LINGO2: variants seen among roughly 807,000 people sequenced by gnomAD.
LINGO2 encodes the protein leucine rich repeat and Ig domain containing 2.
In LINGO2, 14 loss-of-function variants were observed where a neutral mutation model predicts 30.6. The ratio of observed to expected loss-of-function variants is 0.46; its 90% CI spans 0.30 to 0.72. The LOEUF (loss-of-function observed/expected upper bound fraction) is 0.72. LINGO2 is among the 30% of genes least tolerant of loss of function. The pLI is 0.07. For synonymous variants in LINGO2, 317 were observed against 288.5 expected (o/e 1.10, Z -1.00); for missense variants, 729 against 751.7 (o/e 0.97, Z 0.35).
In LINGO2 at chr9:28,273,409, G is replaced by A. The variant is rs536100283; in HGVS notation, c.-87+21799C>T. Among the ~76,000 whole-genome samples the A allele has an allele frequency of 6.1e-4, 93 of 152,262 alleles. 1 individual carries two copies. Among genetic ancestry groups the A allele is most frequent in the Non-Finnish European group, 1.1e-3 (78 of 68,008 alleles). ...AATTTACTGATACTTCAAAAAGAAA[G>A]CCACGGAAACTCTCTGGAAGCTTTC... On this transcript the variant is annotated intron_variant, in intron 4 of 5. Transcript: ENST00000379992.
At chr9:28,565,010 A>G (rs1332487935) in intron 1 of LINGO2, among the ~76,000 whole-genome samples, 1 of 151,910 alleles carries the variant, frequency 6.6e-6, no homozygotes, top group Non-Finnish European at 1.5e-5. Flanking sequence ...CTTCCTGTAC[A>G]CCCCTCCAAA....
At chr9:28,824,062 A>G in the LINGO2 span, among the ~76,000 whole-genome samples, 16 of 152,332 alleles carry the variant, frequency 1.1e-4, no homozygotes, top group African/African-American at 3.8e-4. Context: ...AAGTTACACT[A>G]AAATTGTAAA....
chr9:28,827,512 T>C, the LINGO2 span, among the ~76,000 whole-genome samples: 1 of 152,138 alleles, frequency 6.6e-6, no homozygotes, highest in Non-Finnish European at 1.5e-5. Flanking sequence ...CATAAAGTTG[T>C]AAGAAGAATT....
intron 4 of LINGO2, among the ~76,000 whole-genome samples, chr9:28,039,498 G>A (rs1054071645): frequency 2.0e-5 from 3 of 152,078 alleles, no homozygotes; most frequent in Admixed American, 6.5e-5. Flanking sequence ...TGAAGGATGA[G>A]TGTAACAGGT....
At chr9:28,291,540 A>G (rs1823729799) in intron 4 of LINGO2, among the ~76,000 whole-genome samples, 1 of 152,200 alleles carries the variant, frequency 6.6e-6, no homozygotes, top group African/African-American at 2.4e-5. Context: ...AAAAGAACCA[A>G]ATGGAATTTC....
the LINGO2 span, among the ~76,000 whole-genome samples, chr9:29,087,895 T>C: frequency 3.3e-5 from 5 of 152,094 alleles, no homozygotes; most frequent in Admixed American, 3.3e-4. Context: ...ACTTGTAAAA[T>C]AGCAAAATAA....
At chr9:28,437,178 G>A (rs1823981826) in intron 2 of LINGO2, among the ~76,000 whole-genome samples, 1 of 152,180 alleles carries the variant, frequency 6.6e-6, no homozygotes, top group Admixed American at 6.5e-5. Flanking sequence ...CACGATCCTG[G>A]GCTGGGGCCC....
chr9:28,451,899 T>C (rs1346200296), intron 2 of LINGO2, among the ~76,000 whole-genome samples: 1 of 151,698 alleles, frequency 6.6e-6, no homozygotes, highest in African/African-American at 2.4e-5. Context: ...ATTATCAATA[T>C]TAAGTACTGT....
At chr9:29,211,422 T>C in the LINGO2 span, among the ~76,000 whole-genome samples, 68 of 152,296 alleles carry the variant, frequency 4.5e-4, no homozygotes, top group African/African-American at 1.5e-3. Context: ...GTGTGAAATG[T>C]GAAGTGAATC....
At chr9:28,179,518 T>C (rs1399286204) in intron 4 of LINGO2, among the ~76,000 whole-genome samples, 2 of 104,980 alleles carry the variant, frequency 1.9e-5, no homozygotes, top group African/African-American at 7.3e-5. Flanking sequence ...ATATATAGTT[T>C]ATATATATAA....
At chr9:28,485,778 G>A (rs960007234) in intron 1 of LINGO2, among the ~76,000 whole-genome samples, 4 of 152,056 alleles carry the variant, frequency 2.6e-5, no homozygotes, top group Non-Finnish European at 4.4e-5. Flanking sequence ...TCAGTCACAA[G>A]GTTTGACACT....
At chr9:29,171,533 T>A in the LINGO2 span, among the ~76,000 whole-genome samples, 1 of 152,060 alleles carries the variant, frequency 6.6e-6, no homozygotes, top group Non-Finnish European at 1.5e-5. Context: ...ATTTGCAGAA[T>A]GTACTACATA....
At position 28,079,055 on chromosome 9, in the gene LINGO2, C is replaced by T. The variant is rs545454314; in HGVS notation, c.-86-66650G>A. 5.4e-5 allele frequency among the ~76,000 whole-genome samples: 8 copies of T among 148,720 alleles called. 1 individual carries two copies. Among genetic ancestry groups the T allele is most frequent in the African/African-American group, 2.1e-4 (8 of 38,196 alleles). On this transcript the variant is annotated intron_variant, in intron 4 of 5. Transcript: ENST00000379992. ...GGAGCTCCCTGGTAAAATGGTCCTC[C>T]TCTGATTAAATTCTTTAAATTAAGA...
At chr9:28,563,145 C>T (rs1823192481) in intron 1 of LINGO2, among the ~76,000 whole-genome samples, 1 of 152,090 alleles carries the variant, frequency 6.6e-6, no homozygotes, top group African/African-American at 2.4e-5. Context: ...CATGCCTGGC[C>T]TGAATAAAAC....
In LINGO2 at chr9:28,234,457, C is replaced by G. The variant is rs139317137; in HGVS notation, c.-87+60751G>C. ...GTATTGTTCTTGGGTGTGTCTGAGACAGTGTTGCCAAAGGAGATTAACATT... is the reference window on the plus strand; with the variant it reads ...GTATTGTTCTTGGGTGTGTCTGAGAGAGTGTTGCCAAAGGAGATTAACATT... On this transcript the variant is annotated intron_variant, in intron 4 of 5. Transcript: ENST00000379992. 5.8e-3 allele frequency among the ~76,000 whole-genome samples: 878 copies of G among 152,300 alleles called. 14 individuals carry two copies. The highest frequency in any genetic ancestry group is 0.02 in the African/African-American group (829 of 41,560).
the LINGO2 span, among the ~76,000 whole-genome samples, chr9:28,891,269 A>G: frequency 6.6e-6 from 1 of 151,960 alleles, no homozygotes; most frequent in South Asian, 2.1e-4. Flanking sequence ...TGTGCCTCAC[A>G]TTATATTTAA....
chr9:29,100,928 A>G, the LINGO2 span, among the ~76,000 whole-genome samples: 1 of 152,206 alleles, frequency 6.6e-6, no homozygotes, highest in African/African-American at 2.4e-5. Context: ...AAAGGAAGTA[A>G]CTGCTGTAAT....
intron 5 of LINGO2, among the ~76,000 whole-genome samples, chr9:28,000,566 T>G (rs1821897250): frequency 6.6e-6 from 1 of 152,188 alleles, no homozygotes; most frequent in Non-Finnish European, 1.5e-5. Flanking sequence ...ATGACCAACT[T>G]AATTTACTAG....
the LINGO2 span, among the ~76,000 whole-genome samples, chr9:28,936,621 T>C: frequency 6.6e-6 from 1 of 152,222 alleles, no homozygotes; most frequent in Non-Finnish European, 1.5e-5. Flanking sequence ...TCCTGGTTGA[T>C]CTGATTTTCT....
Sources: gnomAD v4.1 joint callset for allele counts (sites outside exome capture counted in the v4.1 genomes callset) on GRCh38, gnomAD v4.1.1 for gene constraint, MANE v1.5 for transcripts, NCBI Gene and HGNC (gene_info 2026-07-23, HGNC 2026-07-21) for gene names.